Variants in HECTD2 observed in about 807,000 individuals in gnomAD.
The protein encoded by HECTD2 is probable E3 ubiquitin-protein ligase HECTD2.
HECTD2 carries 35 observed loss-of-function variants against 103.2 expected under a neutral mutation model. The observed-to-expected ratio is 0.34, with a 90% confidence interval of 0.26 to 0.45. The LOEUF (loss-of-function observed/expected upper bound fraction) is 0.45, where lower values mean the gene tolerates loss of function less well. Among genes scored for constraint, HECTD2 ranks in the 20% least tolerant of loss-of-function variants. HECTD2 has a pLI of 1.00. For missense variants in HECTD2, 596 were observed against 937.4 expected (o/e 0.64, Z 4.76); for synonymous variants, 281 against 329.9 (o/e 0.85, Z 1.61).
intron 6 of HECTD2, 128 bp from the exon 7 acceptor site, chr10:91,480,966 A>G (rs1056881357): frequency 1.7e-6 from 1 of 592,056 alleles, no homozygotes; most frequent in Non-Finnish European, 3.0e-6. Flanking sequence ...CTCAATAATA[A>G]TGCATATTAA....
intron 20 of HECTD2, among the ~76,000 whole-genome samples, chr10:91,511,690 C>G (rs1418483157): frequency 2.0e-5 from 3 of 152,112 alleles, no homozygotes; most frequent in Non-Finnish European, 4.4e-5. Context: ...GTCCTTGTTC[C>G]TATGAGAATC....
intron 2 of HECTD2, among the ~76,000 whole-genome samples, chr10:91,454,445 A>G (rs1564714918): frequency 6.6e-6 from 1 of 152,148 alleles, no homozygotes; most frequent in South Asian, 2.1e-4. Context: ...AAGGGAGGTT[A>G]AAAAATCGAT....
chr10:91,482,415 A>G (rs556469106), intron 7 of HECTD2, among the ~76,000 whole-genome samples: 62 of 152,056 alleles, frequency 4.1e-4, no homozygotes, highest in African/African-American at 1.5e-3. Context: ...AAAAGTTGTC[A>G]GAAGCTGTAT....
intron 20 of HECTD2, among the ~76,000 whole-genome samples, chr10:91,507,186 C>T (rs1470058393): frequency 2.7e-5 from 4 of 150,598 alleles, no homozygotes; most frequent in South Asian, 2.1e-4. Flanking sequence ...TGGGCAAAAA[C>T]TGGAAGCATT....
chr10:91,493,634 T>C, intron 14 of HECTD2, 126 bp downstream of exon 14: 1 of 524,434 alleles, frequency 1.9e-6, no homozygotes, highest in Non-Finnish European at 3.3e-6. Flanking sequence ...TCAAATGTAC[T>C]ATTAGATTTT....
intron 2 of HECTD2, among the ~76,000 whole-genome samples, chr10:91,443,928 T>C (rs963596182): frequency 2.0e-5 from 3 of 152,192 alleles, no homozygotes; most frequent in Non-Finnish European, 4.4e-5. Flanking sequence ...AGAGGTTCAA[T>C]TTACAAATAA....
At chr10:91,469,031 T>G (rs955045012) in intron 5 of HECTD2, among the ~76,000 whole-genome samples, 1 of 150,550 alleles carries the variant, frequency 6.6e-6, no homozygotes, top group Non-Finnish European at 1.5e-5. Flanking sequence ...CAAAGACTGA[T>G]TCTCCTAAAT....
At chr10:91,494,075 G>GCC (rs1463439068) in intron 14 of HECTD2, among the ~76,000 whole-genome samples, 2 of 152,012 alleles carry the variant, frequency 1.3e-5, no homozygotes, top group African/African-American at 4.8e-5. Flanking sequence ...GGGCATTTCT[G>GCC]CATTGGGTAG....
At position 91,461,327 on chromosome 10, in the gene HECTD2, T is replaced by A; in HGVS notation, c.481T>A (p.Ser161Thr). The A allele has an allele frequency of 6.5e-7, 1 of 1,539,222 alleles. No individual in the cohort carries two copies. The highest frequency in any genetic ancestry group is 8.8e-7 in the Non-Finnish European group (1 of 1,136,576). The change falls in exon 4 of 21, where the codon TCT becomes ACT. Residue 161 changes from serine (S) to threonine (T), a missense_variant. Ser to Thr is a moderately conservative substitution (Grantham distance 58). Around this residue, in one of 4 missense-constraint regions of HECTD2, gnomAD observed 220 missense variants for 233.9 expected, o/e 0.94. Transcript: ENST00000298068. ...VHDFYLTTFD[S>T]FPELNAAFKK... is the part of the protein sequence containing the mutation. ...TGATTTTTATCTAACAACGTTTGAT[T>A]CTTTCCCAGAATTAAATGCTGCATT...
chr10:91,511,710 C>T (rs1847429980), intron 20 of HECTD2, among the ~76,000 whole-genome samples: 1 of 152,198 alleles, frequency 6.6e-6, no homozygotes, highest in South Asian at 2.1e-4. Flanking sequence ...CTAATACTGC[C>T]GCTTATGTGA....
chr10:91,417,539 G>T (rs1017624367), intron 1 of HECTD2, among the ~76,000 whole-genome samples: 1 of 143,854 alleles, frequency 7.0e-6, no homozygotes, highest in Non-Finnish European at 1.5e-5. Flanking sequence ...CAACAGGCCC[G>T]GGTGTGTGAT....
chr10:91,482,692 C>CA lies in HECTD2; in HGVS notation c.712-272dup, dbSNP rs1846136527. 5.9e-5 allele frequency among the ~76,000 whole-genome samples: 9 copies of CA among 152,078 alleles called. No individual in the cohort carries two copies. In the South Asian group the frequency reaches 1.9e-3, roughly 32 times the overall value. ...TTTTACAGATAAGGACATTGAGAAT[C>CA]AAAGTGTAAGGAACATGCCTAAGGG... On this transcript the variant is annotated intron_variant, in intron 7 of 20. Coordinates refer to ENST00000298068, the MANE Select transcript of HECTD2 (RefSeq NM_182765.6).
At chr10:91,469,021 C>G (rs1845633596) in intron 5 of HECTD2, among the ~76,000 whole-genome samples, 1 of 150,336 alleles carries the variant, frequency 6.7e-6, no homozygotes. Flanking sequence ...TTTCAGAGCT[C>G]AAAGACTGAT....
intron 2 of HECTD2, among the ~76,000 whole-genome samples, chr10:91,453,239 T>C (rs1040605465): frequency 1.3e-5 from 2 of 152,118 alleles, no homozygotes; most frequent in Admixed American, 1.3e-4. Flanking sequence ...TGAGACCAGC[T>C]TGGGGAACGT....
intron 1 of HECTD2, among the ~76,000 whole-genome samples, chr10:91,420,791 T>C (rs1843328285): frequency 6.6e-6 from 1 of 152,154 alleles, no homozygotes; most frequent in African/African-American, 2.4e-5. Context: ...AGACTTCTGA[T>C]TGACATACTA....
intron 20 of HECTD2, among the ~76,000 whole-genome samples, chr10:91,511,608 C>T (rs1257651007): frequency 2.6e-5 from 4 of 152,114 alleles, no homozygotes; most frequent in Admixed American, 6.6e-5. Context: ...TGTTCCACCT[C>T]GGGTCATCAG....
intron 2 of HECTD2, among the ~76,000 whole-genome samples, chr10:91,456,328 T>C (rs1564716022): frequency 6.6e-6 from 1 of 152,196 alleles, no homozygotes; most frequent in Non-Finnish European, 1.5e-5. Flanking sequence ...TTTTATTCTC[T>C]TTGAAGCAAT....
Position 91,484,578 on chromosome 10 carries a change from C to G in HECTD2, c.893C>G (p.Ala298Gly). ...LQFISLRLFP[A>G]KPEEFPPITK... ...TTTATTTCTTTACGCCTGTTTCCTG[C>G]AAAGCCTGAAGAATTTCCACCTATA... The change falls in exon 9 of 21, where the codon GCA (alanine) becomes GGA (glycine). Residue 298 changes from alanine to glycine, a missense_variant. Around this residue, in one of 4 missense-constraint regions of HECTD2, gnomAD observed 303 missense variants for 522.5 expected, o/e 0.58. Transcript: ENST00000298068. 1.2e-6 allele frequency: 2 copies of G among 1,612,218 alleles called. No individual in the cohort carries two copies. The highest frequency in any genetic ancestry group is 1.7e-6 in the Non-Finnish European group (2 of 1,178,674).
At position 91,460,526 on chromosome 10, in the gene HECTD2, C is replaced by G; in HGVS notation, c.368C>G (p.Pro123Arg). ...SEMKAPVLPE[P>R]ILPIQPKTVK... Reference sequence around the variant, plus strand: ...ATGAAGGCCCCAGTCCTTCCAGAACCTATTCTTCCTATCCAGCCCAAAACT... The same window carrying G: ...ATGAAGGCCCCAGTCCTTCCAGAACGTATTCTTCCTATCCAGCCCAAAACT... Residue 123 changes from proline to arginine, a missense_variant, in exon 3 of 21, where the codon CCT (proline) becomes CGT (arginine). Transcript: ENST00000298068. 1.2e-6 allele frequency: 2 copies of G among 1,612,770 alleles called. No homozygotes were observed. Among genetic ancestry groups the G allele is most frequent in the Non-Finnish European group, 1.7e-6 (2 of 1,179,326 alleles).
Sources: allele counts gnomAD v4.1 joint callset (sites outside exome capture counted in the v4.1 genomes callset), GRCh38; gene constraint gnomAD v4.1.1; regional missense constraint gnomAD v4.1.1; transcripts MANE v1.5; gene names NCBI Gene and HGNC (gene_info 2026-07-23, HGNC 2026-07-21).